WWOX: variants seen among roughly 807,000 people sequenced by gnomAD.
WWOX encodes WW domain-containing oxidoreductase.
In WWOX, 69 loss-of-function variants were observed where a neutral mutation model predicts 46.2. The observed-to-expected ratio is 1.49, with a 90% CI of 1.23 to 1.82. The LOEUF (loss-of-function observed/expected upper bound fraction) is 1.82. Ranked by LOEUF, WWOX falls within the 40% of genes most tolerant of loss-of-function variation. WWOX has a pLI of 0.00. For missense variants in WWOX, 919 were observed against 542.6 expected (o/e 1.69, Z -6.89); for synonymous variants, 359 against 202.6 (o/e 1.77, Z -6.56).
chr16:78,200,596 T>TA (rs1567422846), intron 5 of WWOX, among the ~76,000 whole-genome samples: 1 of 151,364 alleles, frequency 6.6e-6, no homozygotes, highest in African/African-American at 2.4e-5. Context: ...TTTTTTTTTT[T>TA]AAATCAGTTA....
chr16:78,395,527 AAGAG>A (rs759497940), intron 6 of WWOX, among the ~76,000 whole-genome samples: 2 of 152,056 alleles, frequency 1.3e-5, no homozygotes, highest in African/African-American at 2.4e-5. Context: ...GAAAAGGAAA[AAGAG>A]AGAGAAGGGC....
chr16:78,754,959 A>G (rs1482301427), intron 8 of WWOX, among the ~76,000 whole-genome samples: 1 of 149,172 alleles, frequency 6.7e-6, no homozygotes, highest in South Asian at 2.1e-4. Flanking sequence ...AGAGCCAGCC[A>G]TTTATACTAT....
At chr16:78,991,665 C>T (rs889335864) in intron 8 of WWOX, among the ~76,000 whole-genome samples, 8 of 149,576 alleles carry the variant, frequency 5.3e-5, no homozygotes, top group African/African-American at 1.7e-4. Flanking sequence ...AACTTGTTTT[C>T]ACTCCCTCAG....
At chr16:78,931,297 C>A (rs2045619386) in intron 8 of WWOX, among the ~76,000 whole-genome samples, 1 of 152,096 alleles carries the variant, frequency 6.6e-6, no homozygotes, top group Non-Finnish European at 1.5e-5. Flanking sequence ...GAGAAACTCC[C>A]AATCTGAACG....
At chr16:79,150,640 T>C (rs1484564106) in intron 8 of WWOX, among the ~76,000 whole-genome samples, 1 of 152,210 alleles carries the variant, frequency 6.6e-6, no homozygotes, top group East Asian at 1.9e-4. Context: ...GAAATTCATA[T>C]ATTTTTAAAT....
At chr16:78,211,379 TG>T (rs1393924404) in intron 5 of WWOX, among the ~76,000 whole-genome samples, 1 of 152,164 alleles carries the variant, frequency 6.6e-6, no homozygotes, top group Non-Finnish European at 1.5e-5. Context: ...ATACATGCTG[TG>T]GGCCTACTGT....
intron 6 of WWOX, among the ~76,000 whole-genome samples, chr16:78,397,940 A>G (rs937439598): frequency 3.9e-5 from 6 of 152,160 alleles, no homozygotes; most frequent in Non-Finnish European, 8.8e-5. Context: ...CTATTTTCCA[A>G]CCAATCAAGA....
intron 4 of WWOX, among the ~76,000 whole-genome samples, chr16:78,129,216 G>A (rs574190326): frequency 6.6e-6 from 1 of 152,274 alleles, no homozygotes; most frequent in Non-Finnish European, 1.5e-5. Context: ...AGGGATTTGG[G>A]AAAGCTAGTC....
chr16:78,779,871 C>G (rs952117120), intron 8 of WWOX, among the ~76,000 whole-genome samples: 2 of 152,156 alleles, frequency 1.3e-5, no homozygotes, highest in Non-Finnish European at 2.9e-5. Flanking sequence ...GTGGATGTAA[C>G]ACTTTCTGCC....
At chr16:78,863,965 T>C (rs1337226809) in intron 8 of WWOX, among the ~76,000 whole-genome samples, 3 of 152,236 alleles carry the variant, frequency 2.0e-5, no homozygotes. Context: ...TTGCATTGTA[T>C]GGATATACCA....
rs1173176925 is a variant in WWOX, at chr16:78,673,802, A to G, written c.1056+241050A>G. On this transcript the variant is annotated intron_variant, in intron 8 of 8. Transcript: ENST00000566780. ...ACCCTTTCTTTGATGTCCCAATTCT[A>G]TATTTAAATAGTGCAAGATTTCTAT... Among the ~76,000 whole-genome samples the G allele has an allele frequency of 2.6e-5, 4 of 152,256 alleles. No homozygotes were observed. In the East Asian group the frequency reaches 5.8e-4, roughly 22 times the overall value.
intron 8 of WWOX, among the ~76,000 whole-genome samples, chr16:78,737,366 C>G (rs2049115805): frequency 6.8e-6 from 1 of 146,506 alleles, no homozygotes; most frequent in Admixed American, 6.7e-5. Context: ...GAACTTCTGA[C>G]CTCAGAATGA....
chr16:79,212,016 C>A lies in WWOX; in HGVS notation c.*220C>A. Reference sequence around the variant, plus strand: ...TTCTGGGGCTGGGCTAGGCATAGGTCTCTTTGCTTTCTGGTGGTGGCCTGT... The same window carrying A: ...TTCTGGGGCTGGGCTAGGCATAGGTATCTTTGCTTTCTGGTGGTGGCCTGT... On this transcript the variant is annotated 3_prime_UTR_variant, in exon 9 of 9. Transcript: ENST00000566780. The A allele has an allele frequency of 6.5e-7, 1 of 1,536,236 alleles. No individual in the cohort carries two copies. The highest frequency in any genetic ancestry group is 8.7e-7 in the Non-Finnish European group (1 of 1,146,926).
At chr16:78,814,976 T>C (rs1430884030) in intron 8 of WWOX, among the ~76,000 whole-genome samples, 1 of 152,138 alleles carries the variant, frequency 6.6e-6, no homozygotes, top group African/African-American at 2.4e-5. Flanking sequence ...ATTTAGCAAT[T>C]TAATTTTCAG....
intron 5 of WWOX, among the ~76,000 whole-genome samples, chr16:78,314,235 T>C (rs1269884161): frequency 6.6e-6 from 1 of 151,382 alleles, no homozygotes; most frequent in African/African-American, 2.4e-5. Context: ...TGAAACCCCG[T>C]CTCTACTAAA....
intron 8 of WWOX, among the ~76,000 whole-genome samples, chr16:79,083,661 A>G (rs1275782178): frequency 6.6e-6 from 1 of 152,178 alleles, no homozygotes; most frequent in Non-Finnish European, 1.5e-5. Context: ...AACAAAGACA[A>G]TTGCACGGCA....
At chr16:79,083,227 C>T (rs909691293) in intron 8 of WWOX, among the ~76,000 whole-genome samples, 12 of 152,174 alleles carry the variant, frequency 7.9e-5, no homozygotes, top group Non-Finnish European at 1.5e-4. Flanking sequence ...TGACAATAAG[C>T]ATTGCCATTG....
At chr16:78,688,529 G>T (rs952606053) in intron 8 of WWOX, among the ~76,000 whole-genome samples, 4 of 152,052 alleles carry the variant, frequency 2.6e-5, no homozygotes, top group South Asian at 4.2e-4. Context: ...TTACACCCCA[G>T]GACAGGTGCC....
chr16:78,341,447 T>A (rs2081012875), intron 5 of WWOX, among the ~76,000 whole-genome samples: 1 of 121,798 alleles, frequency 8.2e-6, no homozygotes, highest in Non-Finnish European at 2.0e-5. Context: ...TCCTTTTATT[T>A]TTATGTTACT....
Sources: allele counts gnomAD v4.1 joint callset (sites outside exome capture counted in the v4.1 genomes callset), GRCh38; gene constraint gnomAD v4.1.1; transcripts MANE v1.5; gene names NCBI Gene and HGNC (gene_info 2026-07-23, HGNC 2026-07-21).